SLC24A2: variants seen among roughly 807,000 people sequenced by gnomAD.
The protein encoded by SLC24A2 is solute carrier family 24 member 2.
Under a neutral mutation model 62.0 loss-of-function variants are expected in SLC24A2, and 36 were observed. The ratio of observed to expected loss-of-function variants is 0.58; its 90% CI spans 0.44 to 0.77. The LOEUF (loss-of-function observed/expected upper bound fraction) is 0.77, where lower values mean the gene tolerates loss of function less well. Ranked by LOEUF, SLC24A2 falls within the 30% of genes least tolerant of loss-of-function variation. The probability of loss-of-function intolerance (pLI) is 0.00; values close to 1 mark genes in which losing one functional copy is unlikely to be tolerated. For missense variants in SLC24A2, 846 were observed against 817.9 expected (o/e 1.03, Z -0.42); for synonymous variants, 358 against 294.0 (o/e 1.22, Z -2.23).
intron 5 of SLC24A2, among the ~76,000 whole-genome samples, chr9:19,583,643 T>A (rs12686007): frequency 0.034 from 5,223 of 152,204 alleles, 340 homozygotes; most frequent in East Asian, 0.3. Context: ...CTTTAGGACC[T>A]CCAAGCCCAT....
the SLC24A2 span, among the ~76,000 whole-genome samples, chr9:20,134,860 T>C: frequency 2.6e-3 from 390 of 152,286 alleles, 1 homozygote; most frequent in Middle Eastern, 0.02. Flanking sequence ...AGTACAGATA[T>C]CAACTTCTTC....
At chr9:19,629,924 T>A (rs1317536935) in intron 2 of SLC24A2, among the ~76,000 whole-genome samples, 1 of 152,208 alleles carries the variant, frequency 6.6e-6, no homozygotes, top group East Asian at 1.9e-4. Context: ...AATTATTTGA[T>A]AATATTTATC....
At chr9:19,748,554 G>A (rs1037716018) in intron 2 of SLC24A2, among the ~76,000 whole-genome samples, 1 of 152,126 alleles carries the variant, frequency 6.6e-6, no homozygotes, top group Non-Finnish European at 1.5e-5. Flanking sequence ...ACAATCTTAG[G>A]TGGGTTAATG....
the SLC24A2 span, among the ~76,000 whole-genome samples, chr9:20,261,400 G>C: frequency 2.0e-5 from 3 of 152,196 alleles, no homozygotes; most frequent in Non-Finnish European, 4.4e-5. Context: ...AAGTGCAAAA[G>C]GGAGGATAGG....
At chr9:20,008,443 ACTT>A in the SLC24A2 span, among the ~76,000 whole-genome samples, 1 of 152,030 alleles carries the variant, frequency 6.6e-6, no homozygotes, top group Non-Finnish European at 1.5e-5. Flanking sequence ...ACTTCACTCT[ACTT>A]CTTCATTGCT....
At chr9:19,770,514 C>T (rs757696132) in intron 2 of SLC24A2, among the ~76,000 whole-genome samples, 21 of 152,106 alleles carry the variant, frequency 1.4e-4, no homozygotes, top group Non-Finnish European at 1.9e-4. Context: ...TTCATGTCTG[C>T]AGTTTTGTTC....
At chr9:20,267,063 A>AG in the SLC24A2 span, among the ~76,000 whole-genome samples, 1 of 152,026 alleles carries the variant, frequency 6.6e-6, no homozygotes, top group African/African-American at 2.4e-5. Context: ...GAAATGAAAA[A>AG]AAAAAAAAAG....
At chr9:19,838,245 A>G in the SLC24A2 span, among the ~76,000 whole-genome samples, 1 of 152,148 alleles carries the variant, frequency 6.6e-6, no homozygotes, top group African/African-American at 2.4e-5. Context: ...AACAGAACAG[A>G]GCCCTCAGAA....
the SLC24A2 span, among the ~76,000 whole-genome samples, chr9:20,185,053 C>T: frequency 3.7e-4 from 57 of 152,090 alleles, no homozygotes; most frequent in Non-Finnish European, 7.1e-4. Context: ...GCTGAACTTA[C>T]GCAAGCAGAG....
chr9:19,940,488 AGAATTTTAGGGGTTG>A, the SLC24A2 span, among the ~76,000 whole-genome samples: 1 of 152,182 alleles, frequency 6.6e-6, no homozygotes, highest in Non-Finnish European at 1.5e-5. Context: ...TTCCTCGTGT[AGAATTTTAGGGGTTG>A]GACTACATGA....
the SLC24A2 span, among the ~76,000 whole-genome samples, chr9:19,972,050 C>G: frequency 6.6e-6 from 1 of 152,096 alleles, no homozygotes; most frequent in Non-Finnish European, 1.5e-5. Flanking sequence ...CTTAGGGAAC[C>G]AAACAACAAA....
At chr9:20,117,310 C>G in the SLC24A2 span, among the ~76,000 whole-genome samples, 6 of 152,108 alleles carry the variant, frequency 3.9e-5, no homozygotes, top group Non-Finnish European at 7.4e-5. Flanking sequence ...GAGGACAGAG[C>G]AACAGCATGG....
chr9:19,533,537 T>C (rs762094303), intron 8 of SLC24A2, among the ~76,000 whole-genome samples: 24 of 152,372 alleles, frequency 1.6e-4, no homozygotes, highest in South Asian at 6.2e-4. Flanking sequence ...GTAGCTTTCA[T>C]ACTTGCTGCT....
At chr9:20,060,916 A>T in the SLC24A2 span, among the ~76,000 whole-genome samples, 6 of 150,970 alleles carry the variant, frequency 4.0e-5, no homozygotes, top group Admixed American at 2.0e-4. Flanking sequence ...AAAGTAAATT[A>T]AAAAAAATAA....
At chr9:20,176,678 T>C in the SLC24A2 span, among the ~76,000 whole-genome samples, 20 of 152,222 alleles carry the variant, frequency 1.3e-4, no homozygotes, top group African/African-American at 4.8e-4. Context: ...ATGAGGAAGT[T>C]AGACATTGGT....
At chr9:19,842,099 T>C in the SLC24A2 span, among the ~76,000 whole-genome samples, 1 of 152,244 alleles carries the variant, frequency 6.6e-6, no homozygotes, top group African/African-American at 2.4e-5. Flanking sequence ...TCTTCTATTA[T>C]GGAAGTGGCA....
At chr9:19,891,183 C>T in the SLC24A2 span, among the ~76,000 whole-genome samples, 1 of 152,186 alleles carries the variant, frequency 6.6e-6, no homozygotes. Context: ...CTAAAGTGGC[C>T]TCCTGTCTCT....
the SLC24A2 span, among the ~76,000 whole-genome samples, chr9:19,945,718 G>A: frequency 6.6e-6 from 1 of 152,116 alleles, no homozygotes; most frequent in Non-Finnish European, 1.5e-5. Flanking sequence ...ACAGCAAGAG[G>A]CAGAGCCAAG....
the SLC24A2 span, among the ~76,000 whole-genome samples, chr9:19,813,900 G>T: frequency 2.6e-5 from 4 of 151,988 alleles, no homozygotes; most frequent in African/African-American, 9.7e-5. Context: ...TAAATCTCAG[G>T]CACCTTGATC....
Sources: gnomAD v4.1 joint callset for allele counts (sites outside exome capture counted in the v4.1 genomes callset) on GRCh38, gnomAD v4.1.1 for gene constraint, MANE v1.5 for transcripts, NCBI Gene and HGNC (gene_info 2026-07-23, HGNC 2026-07-21) for gene names.